The following CLPTM1 variants were observed in gnomAD, a reference collection of about 807,000 sequenced individuals.
The protein encoded by CLPTM1 is CLPTM1 regulator of GABA type A receptor forward trafficking.
Under a neutral mutation model 77.3 loss-of-function variants are expected in CLPTM1, and 21 were observed. The ratio of observed to expected loss-of-function variants is 0.27; its 90% CI spans 0.19 to 0.39. The LOEUF (loss-of-function observed/expected upper bound fraction) is 0.39, where lower values mean the gene tolerates loss of function less well. Ranked by LOEUF, CLPTM1 falls within the 10% of genes least tolerant of loss-of-function variation. The probability of loss-of-function intolerance (pLI) is 1.00; values close to 1 mark genes in which losing one functional copy is unlikely to be tolerated. For missense variants in CLPTM1, 642 were observed against 921.2 expected, an observed-to-expected ratio of 0.70 and a Z score of 3.92; for synonymous variants, 373 against 381.0, an observed-to-expected ratio of 0.98 and a Z score of 0.24.
intron 4 of CLPTM1, among the ~76,000 whole-genome samples, chr19:44,975,997 G>A (rs182496465): frequency 4.6e-5 from 7 of 152,246 alleles, no homozygotes; most frequent in African/African-American, 1.7e-4. Flanking sequence ...CAAGTAGCTG[G>A]GACAACAGGC....
At chr19:44,961,294 G>C (rs1450766520) in intron 1 of CLPTM1, among the ~76,000 whole-genome samples, 1 of 152,182 alleles carries the variant, frequency 6.6e-6, no homozygotes, top group African/African-American at 2.4e-5. Flanking sequence ...CCACCTGCTG[G>C]ACCAGGGGCC....
chr19:44,991,144 C>A lies in CLPTM1; in HGVS notation c.1420-94C>A. ...CTACCTGGAAATTCCCCCTGCCCGGCCTGCCAGACCAGGTGTGGTGGGTGA... is the reference window on the plus strand; with the variant it reads ...CTACCTGGAAATTCCCCCTGCCCGGACTGCCAGACCAGGTGTGGTGGGTGA... On this transcript the variant is annotated intron_variant, in intron 11 of 13. Coordinates refer to ENST00000337392, the MANE Select transcript of CLPTM1 (RefSeq NM_001294.4). This position sits in a 1 kb window ranked among gnomAD's most constrained non-coding sequence, Gnocchi z 5.4. The A allele has an allele frequency of 6.3e-7, 1 of 1,577,600 alleles. No individual in the cohort carries two copies. The highest frequency in any genetic ancestry group is 8.6e-7 in the Non-Finnish European group (1 of 1,158,976).
intron 9 of CLPTM1, 53 bp downstream of exon 9, chr19:44,988,226 A>T: frequency 2.3e-6 from 3 of 1,289,494 alleles, no homozygotes; most frequent in Non-Finnish European, 2.3e-6. Flanking sequence ...GGGGGACAGG[A>T]CCTGCCCCCT....
chr19:44,968,041 C>G (rs1050771837), intron 2 of CLPTM1, among the ~76,000 whole-genome samples: 1 of 152,140 alleles, frequency 6.6e-6, no homozygotes, highest in East Asian at 1.9e-4. Context: ...ACACACTGTT[C>G]TGCTCCTTGA....
At chr19:44,987,681 C>T in intron 8 of CLPTM1, 1 of 566,368 alleles carries the variant, frequency 1.8e-6, no homozygotes, top group Non-Finnish European at 3.2e-6. Flanking sequence ...TCCTTCTGTC[C>T]CAGACCTTGT....
intron 5 of CLPTM1, among the ~76,000 whole-genome samples, chr19:44,980,976 T>C (rs1970886778): frequency 6.6e-6 from 1 of 151,826 alleles, no homozygotes; most frequent in South Asian, 2.1e-4. Flanking sequence ...TAGCTGGGAC[T>C]ACAGGCGCCC....
intron 5 of CLPTM1, among the ~76,000 whole-genome samples, chr19:44,979,424 C>T (rs1970858839): frequency 6.6e-6 from 1 of 152,172 alleles, no homozygotes; most frequent in Admixed American, 6.5e-5. Flanking sequence ...GTTCTGTGTA[C>T]TCCACCTAGC....
chr19:44,973,610 C>A (rs1410459802), intron 3 of CLPTM1, among the ~76,000 whole-genome samples: 1 of 152,058 alleles, frequency 6.6e-6, no homozygotes, highest in Non-Finnish European at 1.5e-5. Flanking sequence ...GAGAGGAGAC[C>A]TGCACTTCCA....
At chr19:44,964,420 C>T (rs1019499458) in intron 2 of CLPTM1, among the ~76,000 whole-genome samples, 6 of 146,012 alleles carry the variant, frequency 4.1e-5, no homozygotes, top group South Asian at 2.3e-4. Context: ...AAGCGATTCT[C>T]CTGCCTCAGC....
chr19:44,989,773 C>T lies in CLPTM1; in HGVS notation c.1133-622C>T, dbSNP rs561801340. ...CGGGCGGGGTCAAGAGAGGGGTGTC[C>T]GTGGTGAGACCAGGGCTCAGAGAGG... On this transcript the variant is annotated intron_variant, in intron 9 of 13. Coordinates refer to ENST00000337392, the MANE Select transcript of CLPTM1 (RefSeq NM_001294.4). Among the ~76,000 whole-genome samples, 450 of 152,218 alleles carry T rather than the reference C, an allele frequency of 3.0e-3. 1 individual carries two copies. The highest frequency in any genetic ancestry group is 4.8e-3 in the Non-Finnish European group (329 of 68,010).
intron 2 of CLPTM1, 67 bp from the exon 3 acceptor site, chr19:44,973,020 A>G (rs1355604617): frequency 2.5e-6 from 4 of 1,584,676 alleles, no homozygotes; most frequent in Non-Finnish European, 3.4e-6. Flanking sequence ...GTCAGAAGGA[A>G]GTCAGGCGGG....
rs367586868 is a variant in CLPTM1, at chr19:44,992,876, A to C, written c.1989A>C (p.Ala663=). ...SEPQEAPPKP[A]EDKKKD ...CCCAGGAAGCCCCTCCAAAGCCAGC[A>C]GAGGACAAGAAAAAGGATTAGTCGA... Residue 663 remains alanine, a synonymous_variant, in exon 14 of 14, where the codon GCA becomes GCC. Transcript: ENST00000337392. The surrounding 1 kb of genome is among the most constrained non-coding windows in gnomAD (Gnocchi z 7.7). 97 of 1,613,798 alleles carry C rather than the reference A, an allele frequency of 6.0e-5. 3 individuals are homozygous for C. The Middle Eastern group carries it at 8.9e-3, about 148-fold the overall frequency.
rs1451869340 is a variant in CLPTM1 at position 44,992,652 on chromosome 19, C to T, written c.1765C>T (p.Arg589Cys). The T allele has an allele frequency of 1.4e-5, 22 of 1,613,832 alleles. No homozygotes were observed. The highest frequency in any genetic ancestry group is 6.7e-5 in the East Asian group (3 of 44,886). The change falls in exon 14 of 14, where the codon CGC (arginine) becomes TGC (cysteine). Residue 589 changes from arginine (R) to cysteine (C), a missense_variant. Arg to Cys is a radical substitution (Grantham distance 180). Coordinates refer to ENST00000337392, the MANE Select transcript of CLPTM1 (RefSeq NM_001294.4). This position sits in a 1 kb window ranked among gnomAD's most constrained non-coding sequence, Gnocchi z 7.7. ...CTACCTCTACCAACGGTGGATCTAC[C>T]GCGTCGACCCCACCCGAGTCAACGA... Reference protein sequence around the residue: ...FIYLYQRWIYRVDPTRVNEFG... With the variant: ...FIYLYQRWIYCVDPTRVNEFG...
chr19:44,990,065 C>T lies in CLPTM1; in HGVS notation c.1133-330C>T. The T allele has an allele frequency of 3.3e-6, 1 of 306,796 alleles. No homozygotes were observed. Among genetic ancestry groups the T allele is most frequent in the Non-Finnish European group, 6.0e-6 (1 of 166,114 alleles). The allele number at this position is 306,796 out of a possible 1,614,324, so 19.0% of individuals were successfully genotyped here. On this transcript the variant is annotated intron_variant, in intron 9 of 13. Coordinates refer to ENST00000337392, the MANE Select transcript of CLPTM1 (RefSeq NM_001294.4). The surrounding 1 kb of genome is among the most constrained non-coding windows in gnomAD (Gnocchi z 4.8). Reference sequence around the variant, plus strand: ...AGGCTGTTTGGCCTCAGGGAAGCAGCTTCCCTGACCAGTCCTTAGCACCTG... The same window carrying T: ...AGGCTGTTTGGCCTCAGGGAAGCAGTTTCCCTGACCAGTCCTTAGCACCTG...
intron 5 of CLPTM1, among the ~76,000 whole-genome samples, chr19:44,980,774 G>C (rs889190912): frequency 2.0e-5 from 3 of 151,512 alleles, no homozygotes; most frequent in Admixed American, 1.3e-4. Flanking sequence ...GCAACATAGG[G>C]AGACCTCATC....
intron 1 of CLPTM1, 82 bp downstream of exon 1, chr19:44,955,549 G>A: frequency 8.4e-7 from 1 of 1,190,200 alleles, no homozygotes; most frequent in Non-Finnish European, 1.1e-6. Context: ...TCTTGTCACG[G>A]AATCCCGTGC....
intron 2 of CLPTM1, among the ~76,000 whole-genome samples, chr19:44,966,912 G>C (rs1970639923): frequency 6.6e-6 from 1 of 151,916 alleles, no homozygotes; most frequent in South Asian, 2.1e-4. Context: ...CGCGATCTCG[G>C]CTCACTGCAA....
At chr19:44,962,115 C>G (rs1466906825) in intron 2 of CLPTM1, 40 bp downstream of exon 2, 1 of 1,230,784 alleles carries the variant, frequency 8.1e-7, no homozygotes, top group Non-Finnish European at 1.2e-6. Flanking sequence ...CGAAAACATT[C>G]AAATAAAAAT....
chr19:44,964,654 C>T (rs1052089040), intron 2 of CLPTM1, among the ~76,000 whole-genome samples: 1 of 152,144 alleles, frequency 6.6e-6, no homozygotes, highest in African/African-American at 2.4e-5. Flanking sequence ...GCATTAAGTA[C>T]ATCTCCACTG....
Sources: gnomAD v4.1 joint callset for allele counts (sites outside exome capture counted in the v4.1 genomes callset) on GRCh38, gnomAD v4.1.1 for gene constraint, Gnocchi (gnomAD v3.1) non-coding constraint, MANE v1.5 for transcripts, NCBI Gene and HGNC (gene_info 2026-07-23, HGNC 2026-07-21) for gene names.